DCLK2: variants seen among roughly 807,000 people sequenced by gnomAD.
DCLK2 encodes the protein doublecortin like kinase 2.
Under a neutral mutation model 78.4 loss-of-function variants are expected in DCLK2, and 31 were observed. That is an observed-to-expected ratio of 0.40 (90% CI 0.30 to 0.53). The LOEUF (loss-of-function observed/expected upper bound fraction) is 0.53. Among genes scored for constraint, DCLK2 ranks in the 20% least tolerant of loss-of-function variants. The pLI, the probability that DCLK2 is intolerant of heterozygous loss-of-function variation, is 0.61. For missense variants in DCLK2, 872 were observed against 973.7 expected (o/e 0.90, Z 1.39); for synonymous variants, 407 against 374.9 (o/e 1.09, Z -0.99).
intron 4 of DCLK2, among the ~76,000 whole-genome samples, chr4:150,198,822 TG>T (rs1260378718): frequency 6.6e-6 from 1 of 152,060 alleles, no homozygotes; most frequent in African/African-American, 2.4e-5. Flanking sequence ...ATGGGAAAGT[TG>T]TATCAATAAC....
intron 5 of DCLK2, among the ~76,000 whole-genome samples, chr4:150,214,072 A>G (rs895752483): frequency 6.6e-6 from 1 of 152,252 alleles, no homozygotes; most frequent in Admixed American, 6.5e-5. Context: ...AGTAGGATTC[A>G]GTAAACCATG....
chr4:150,081,903 CAGG>C (rs1208955099), intron 1 of DCLK2, among the ~76,000 whole-genome samples: 1 of 146,110 alleles, frequency 6.8e-6, no homozygotes, highest in Non-Finnish European at 1.5e-5. Flanking sequence ...GAGGCTGAGA[CAGG>C]AGAATTGCTT....
intron 2 of DCLK2, among the ~76,000 whole-genome samples, chr4:150,115,600 C>G (rs980433335): frequency 5.9e-5 from 9 of 151,372 alleles, no homozygotes; most frequent in African/African-American, 1.9e-4. Context: ...TTGGTTCTTT[C>G]AGGGATGAAG....
At position 150,078,800 on chromosome 4, in the gene DCLK2, A is replaced by G. The variant is rs577622463; in HGVS notation, c.-228A>G. The G allele has an allele frequency of 5.3e-5, 23 of 437,566 alleles. No individual in the cohort carries two copies. Among genetic ancestry groups the G allele is most frequent in the Non-Finnish European group, 8.9e-5 (23 of 258,740 alleles). 27.1% of individuals were successfully genotyped at this position (437,566 alleles called of 1,614,324 possible). ...AGGCGGGAGGCACGGAGCAAGTCGCACTGGACAATGACCTGGGCAGCTCGG... is the reference window on the plus strand; with the variant it reads ...AGGCGGGAGGCACGGAGCAAGTCGCGCTGGACAATGACCTGGGCAGCTCGG... On this transcript the variant is annotated 5_prime_UTR_variant, in exon 1 of 16. Transcript: ENST00000296550.
intron 2 of DCLK2, among the ~76,000 whole-genome samples, chr4:150,179,221 G>A (rs982448693): frequency 6.6e-6 from 1 of 151,966 alleles, no homozygotes; most frequent in Non-Finnish European, 1.5e-5. Context: ...GTAGAGACAG[G>A]GTTTCACCGT....
chr4:150,079,336 C>A lies in DCLK2; in HGVS notation c.309C>A (p.Leu103=). The stretch of plus-strand genomic sequence containing the variant: ...GCTTCCGGTCCTTCGATGCGCTCCT[C>A]ATAGAGCTCACCCGCTCCCTGTCGG... The part of the protein sequence containing the change: ...SDRFRSFDAL[L]IELTRSLSDN... Residue 103 remains leucine, a synonymous_variant, in exon 1 of 16, where the codon CTC becomes CTA. Coordinates refer to ENST00000296550, the MANE Select transcript of DCLK2 (RefSeq NM_001040260.4). 6.3e-7 allele frequency: 1 copy of A among 1,588,448 alleles called. No individual in the cohort carries two copies. The highest frequency in any genetic ancestry group is 2.3e-5 in the East Asian group (1 of 43,178).
rs1254162898 is a variant in DCLK2 at position 150,175,119 on chromosome 4, T to TTATATATA, written c.757-18018_757-18017insATATATAT. 2.0e-4 allele frequency among the ~76,000 whole-genome samples: 20 copies of TTATATATA among 98,754 alleles called. 5 individuals are homozygous for TTATATATA. The highest frequency in any genetic ancestry group is 8.5e-4 in the African/African-American group (16 of 18,736). The allele number at this position is 98,754 out of a possible 152,430, so 64.8% of individuals were successfully genotyped here. ...TTATATATATTTATATATTTATATTTTTTATATATATATAATTTATGTATA... is the reference window on the plus strand; with the variant it reads ...TTATATATATTTATATATTTATATTTTATATATATTTATATATATATAATTTATGTATA... On this transcript the variant is annotated intron_variant, in intron 2 of 15. Transcript: ENST00000296550.
intron 2 of DCLK2, among the ~76,000 whole-genome samples, chr4:150,107,689 T>C (rs1731369573): frequency 6.6e-6 from 1 of 152,144 alleles, no homozygotes; most frequent in Admixed American, 6.5e-5. Context: ...TTTGTTGTCT[T>C]TATTGTCTTG....
At chr4:150,190,728 C>T (rs571280105) in intron 2 of DCLK2, among the ~76,000 whole-genome samples, 3 of 152,166 alleles carry the variant, frequency 2.0e-5, no homozygotes, top group East Asian at 3.9e-4. Flanking sequence ...CAGTGATAGT[C>T]GCACAACTCT....
chr4:150,226,830 G>T (rs558785714), intron 8 of DCLK2, among the ~76,000 whole-genome samples: 8 of 143,446 alleles, frequency 5.6e-5, no homozygotes, highest in Admixed American at 4.8e-4. Flanking sequence ...CAAATAAGTT[G>T]ATTTTTCCCA....
chr4:150,102,577 C>T lies in DCLK2; in HGVS notation c.521C>T (p.Ser174Phe), dbSNP rs1162180725. 1 of 1,614,136 alleles carries T rather than the reference C, an allele frequency of 6.2e-7. No homozygotes were observed. The highest frequency in any genetic ancestry group is 8.5e-7 in the Non-Finnish European group (1 of 1,180,030). Residue 174 changes from serine (S) to phenylalanine (F), a missense_variant, in exon 2 of 16, where the codon TCC (serine) becomes TTC (phenylalanine). Coordinates refer to ENST00000296550, the MANE Select transcript of DCLK2 (RefSeq NM_001040260.4). ...NWSVNIKGGT[S>F]RALAAASSVK... Reference sequence around the variant, plus strand: ...TCTGTGAACATCAAGGGTGGGACATCCCGAGCGCTGGCTGCTGCCTCCTCT... The same window carrying T: ...TCTGTGAACATCAAGGGTGGGACATTCCGAGCGCTGGCTGCTGCCTCCTCT...
intron 2 of DCLK2, among the ~76,000 whole-genome samples, chr4:150,111,145 A>AT (rs996069584): frequency 2.9e-4 from 44 of 150,602 alleles, no homozygotes; most frequent in Admixed American, 6.0e-4. Context: ...ATCAGCATCT[A>AT]TTTTTTTTTG....
chr4:150,149,052 A>G (rs2150225834), intron 2 of DCLK2, among the ~76,000 whole-genome samples: 2 of 151,310 alleles, frequency 1.3e-5, no homozygotes, highest in South Asian at 4.2e-4. Flanking sequence ...AAAAAAAAAA[A>G]AAAAGAAAGA....
At chr4:150,089,016 G>C (rs190904657) in intron 1 of DCLK2, among the ~76,000 whole-genome samples, 1 of 152,156 alleles carries the variant, frequency 6.6e-6, no homozygotes. Flanking sequence ...CCGTTCTGTG[G>C]TGTAAAGATA....
chr4:150,232,778 C>G lies in DCLK2; in HGVS notation c.1516C>G (p.Leu506Val). The G allele has an allele frequency of 6.2e-7, 1 of 1,614,148 alleles. No homozygotes were observed. The highest frequency in any genetic ancestry group is 8.5e-7 in the Non-Finnish European group (1 of 1,180,014). Residue 506 changes from leucine to valine, a missense_variant, in exon 10 of 16, where the codon CTC becomes GTC. Leu to Val is a conservative substitution (Grantham distance 32). Coordinates refer to ENST00000296550, the MANE Select transcript of DCLK2 (RefSeq NM_001040260.4). ...VYNLANALRYLHGLSIVHRDI... is the reference protein window; with the variant it reads ...VYNLANALRYVHGLSIVHRDI... ...CAACTTAGCCAATGCCCTCAGGTAT[C>G]TCCATGGCCTCAGCATCGTGCACAG...
At chr4:150,098,339 A>G (rs1306105980) in intron 1 of DCLK2, among the ~76,000 whole-genome samples, 4 of 152,136 alleles carry the variant, frequency 2.6e-5, no homozygotes, top group African/African-American at 9.7e-5. Flanking sequence ...GTGACTTCGT[A>G]TGATATAGTC....
At chr4:150,101,236 C>G (rs965221399) in intron 1 of DCLK2, among the ~76,000 whole-genome samples, 1 of 152,138 alleles carries the variant, frequency 6.6e-6, no homozygotes, top group African/African-American at 2.4e-5. Flanking sequence ...GCCTGGGCAA[C>G]AGAGACCCTG....
intron 12 of DCLK2, among the ~76,000 whole-genome samples, chr4:150,241,883 G>T (rs1742954172): frequency 2.0e-5 from 3 of 152,192 alleles, no homozygotes. Context: ...TAGCATGGCT[G>T]CCCAAAGGTC....
intron 15 of DCLK2, among the ~76,000 whole-genome samples, chr4:150,255,532 C>G (rs1744495155): frequency 6.6e-6 from 1 of 152,218 alleles, no homozygotes; most frequent in Admixed American, 6.5e-5. Context: ...GTGGCTCCAT[C>G]CAATTCCTGG....
Sources: gnomAD v4.1 joint callset for allele counts (sites outside exome capture counted in the v4.1 genomes callset) on GRCh38, gnomAD v4.1.1 for gene constraint, MANE v1.5 for transcripts, NCBI Gene and HGNC (gene_info 2026-07-23, HGNC 2026-07-21) for gene names.